Variants in BDP1 observed in about 807,000 individuals in gnomAD.
BDP1 encodes transcription factor TFIIIB component B'' homolog.
Under a neutral mutation model 266.6 loss-of-function variants are expected in BDP1, and 169 were observed. That is an observed-to-expected ratio of 0.63 (90% CI 0.56 to 0.72). The LOEUF is 0.72. BDP1 is among the 30% of genes least tolerant of loss of function. BDP1 has a pLI of 0.00. For synonymous variants in BDP1, 1,090 were observed against 1,022.4 expected, an observed-to-expected ratio of 1.07 and a Z score of -1.26; for missense variants, 3,015 against 3,053.8, an observed-to-expected ratio of 0.99 and a Z score of 0.30.
At chr5:71,495,223 C>T in intron 11 of BDP1, 27 bp from the exon 12 acceptor site, 2 of 1,423,700 alleles carry the variant, frequency 1.4e-6, no homozygotes, top group Non-Finnish European at 1.9e-6. Flanking sequence ...GAATTCTTTT[C>T]TCTCTGAAAT....
rs754183724 is a variant in BDP1, at chr5:71,486,621, G to T, written c.1207G>T (p.Val403Leu). ...GAAATCCACCAAACCACGGAAAAAT[G>T]TAAAAGGTATTGATTTTAAAAGGAA... Reference protein sequence around the residue: ...EKKSTKPRKNVKVKKVACEGV... With the variant: ...EKKSTKPRKNLKVKKVACEGV... Residue 403 changes from valine to leucine, a missense_variant, in exon 9 of 39, where the codon GTA becomes TTA. By Grantham distance (32) the Val-to-Leu change is conservative. Around this residue, in one of 3 missense-constraint regions of BDP1, gnomAD observed 2,383 missense variants for 2,404.9 expected, o/e 0.99. Transcript: ENST00000358731. 2.0e-6 allele frequency: 3 copies of T among 1,521,574 alleles called. No homozygotes were observed. The South Asian group carries it at 4.0e-5, about 20-fold the overall frequency. The allele number at this position is 1,521,574 out of a possible 1,614,324, so 94.3% of individuals were successfully genotyped here. A position where few individuals can be genotyped will look rare whatever the true frequency, so the allele number is the denominator to read the frequency against.
chr5:71,523,846 ACTGG>A, intron 24 of BDP1, 89 bp from the exon 25 acceptor site: 1 of 1,264,466 alleles, frequency 7.9e-7, no homozygotes, highest in Non-Finnish European at 1.1e-6. Flanking sequence ...CATTTTAATG[ACTGG>A]AACTGGAATT....
intron 34 of BDP1, among the ~76,000 whole-genome samples, chr5:71,552,004 C>CCT (rs1217727968): frequency 6.7e-6 from 1 of 149,656 alleles, no homozygotes; most frequent in Non-Finnish European, 1.5e-5. Context: ...CGAGGGCTGA[C>CCT]CCCCACCTCC....
chr5:71,496,919 C>T (rs554746322), intron 12 of BDP1, among the ~76,000 whole-genome samples: 6 of 152,262 alleles, frequency 3.9e-5, no homozygotes, highest in South Asian at 2.1e-4. Context: ...ATATTTCTTA[C>T]GTTTTATCCT....
chr5:71,555,117 G>A (rs889699051), intron 35 of BDP1, among the ~76,000 whole-genome samples: 1 of 152,152 alleles, frequency 6.6e-6, no homozygotes, highest in African/African-American at 2.4e-5. Context: ...GTCTTTTTGT[G>A]TATGGCTTCT....
At chr5:71,511,341 CT>C in intron 17 of BDP1, 190 bp downstream of exon 17, 1 of 622,918 alleles carries the variant, frequency 1.6e-6, no homozygotes, top group Non-Finnish European at 2.7e-6. Context: ...AAAAAGATAA[CT>C]TTAGGCTGGG....
At chr5:71,487,272 C>T (rs756895874) in intron 9 of BDP1, among the ~76,000 whole-genome samples, 8 of 151,878 alleles carry the variant, frequency 5.3e-5, no homozygotes, top group East Asian at 1.9e-4. Flanking sequence ...GACAGAGTTT[C>T]GCTCTGTTGC....
At chr5:71,471,688 G>T (rs953087402) in intron 7 of BDP1, among the ~76,000 whole-genome samples, 3 of 152,128 alleles carry the variant, frequency 2.0e-5, no homozygotes, top group African/African-American at 7.2e-5. Context: ...AGTTTTCTGG[G>T]TTTAAGTGCA....
chr5:71,516,961 T>A (rs1416331829), intron 21 of BDP1, among the ~76,000 whole-genome samples: 2 of 152,234 alleles, frequency 1.3e-5, no homozygotes, highest in African/African-American at 4.8e-5. Flanking sequence ...GTTTTCAAAG[T>A]ATTATGTAAA....
downstream of BDP1, among the ~76,000 whole-genome samples, chr5:71,572,380 G>C (rs1744294261): frequency 6.6e-6 from 1 of 152,162 alleles, no homozygotes; most frequent in Non-Finnish European, 1.5e-5. Flanking sequence ...TGCTTTACAA[G>C]TGGCGTCCAA....
intron 11 of BDP1, chr5:71,494,350 G>A (rs998529658): frequency 4.6e-5 from 7 of 152,252 alleles, no homozygotes; most frequent in African/African-American, 1.7e-4. Flanking sequence ...TTGTGACAGA[G>A]TCTTGCTCTG....
intron 3 of BDP1, among the ~76,000 whole-genome samples, chr5:71,463,591 G>A (rs1247580435): frequency 6.6e-6 from 1 of 152,118 alleles, no homozygotes; most frequent in Non-Finnish European, 1.5e-5. Context: ...GGAAGCTAAG[G>A]TGGGAGGATT....
chr5:71,568,530 G>A (rs138239898), downstream of BDP1, among the ~76,000 whole-genome samples: 831 of 152,238 alleles, frequency 5.5e-3, 8 homozygotes, highest in African/African-American at 0.019. Context: ...GTGTGGTGGC[G>A]TGATCATAGC....
rs751719081 is a variant in BDP1, at chr5:71,489,584, G to A, written c.1394G>A (p.Arg465Lys). The part of the protein sequence containing the change: ...LEVDLNQKKR[R>K]RKKQDGANEL... ...GTAGACCTAAATCAAAAGAAAAGAA[G>A]GAGGAAGAAGCAAGATGGAGCTAAT... The change falls in exon 10 of 39, where the codon AGG (arginine) becomes AAG (lysine). Residue 465 changes from arginine (R) to lysine (K), a missense_variant. Arg to Lys is a conservative substitution (Grantham distance 26). Transcript: ENST00000358731. The A allele has an allele frequency of 1.1e-5, 17 of 1,614,066 alleles. 1 individual carries two copies. In the South Asian group the frequency reaches 1.9e-4, roughly 18 times the overall value.
chr5:71,536,339 A>G (rs190649228), intron 26 of BDP1, among the ~76,000 whole-genome samples: 2 of 152,240 alleles, frequency 1.3e-5, no homozygotes, highest in African/African-American at 4.8e-5. Flanking sequence ...GTATCCTTAC[A>G]TGTTGATAAA....
At chr5:71,551,651 G>A (rs930755196) in intron 34 of BDP1, among the ~76,000 whole-genome samples, 4 of 151,996 alleles carry the variant, frequency 2.6e-5, no homozygotes, top group African/African-American at 7.2e-5. Flanking sequence ...GGTGGTGGCC[G>A]GGCAGAGGGG....
At chr5:71,576,791 C>T in the BDP1 span, among the ~76,000 whole-genome samples, 1 of 152,226 alleles carries the variant, frequency 6.6e-6, no homozygotes, top group African/African-American at 2.4e-5. Context: ...GATTGCTTGG[C>T]ATGGAGCAGG....
intron 21 of BDP1, among the ~76,000 whole-genome samples, chr5:71,516,863 ATAATCT>A (rs1477895459): frequency 1.3e-5 from 2 of 152,190 alleles, no homozygotes; most frequent in Non-Finnish European, 2.9e-5. Flanking sequence ...TAGATTTAAA[ATAATCT>A]TTATTTGAAC....
At chr5:71,576,700 C>G in the BDP1 span, among the ~76,000 whole-genome samples, 2 of 152,180 alleles carry the variant, frequency 1.3e-5, no homozygotes, top group African/African-American at 2.4e-5. Flanking sequence ...AATCGTGGCA[C>G]AAACTTTGCT....
Sources: allele counts gnomAD v4.1 joint callset (sites outside exome capture counted in the v4.1 genomes callset), GRCh38; gene constraint gnomAD v4.1.1; regional missense constraint gnomAD v4.1.1; transcripts MANE v1.5; gene names NCBI Gene and HGNC (gene_info 2026-07-23, HGNC 2026-07-21).